GTSE1: variants seen among roughly 807,000 people sequenced by gnomAD.
GTSE1 encodes the protein G2 and S phase-expressed protein 1.
GTSE1 carries 52 observed loss-of-function variants against 60.5 expected under a neutral mutation model. The ratio of observed to expected loss-of-function variants is 0.86; its 90% confidence interval spans 0.69 to 1.08. The LOEUF (loss-of-function observed/expected upper bound fraction) is 1.08, where lower values mean the gene tolerates loss of function less well. GTSE1 is among the 50% of genes least tolerant of loss of function. The pLI is 0.00. For missense variants in GTSE1, 937 were observed against 961.8 expected (o/e 0.97, Z 0.34); for synonymous variants, 368 against 386.5 (o/e 0.95, Z 0.56).
Position 46,328,740 on chromosome 22 carries a change from G to A in GTSE1, c.1777G>A (p.Val593Met), listed in dbSNP as rs2147835272. The A allele has an allele frequency of 1.2e-6, 2 of 1,614,024 alleles. No homozygotes were observed. Among genetic ancestry groups the A allele is most frequent in the East Asian group, 2.2e-5 (1 of 44,888 alleles). ...AAAGACAGATTCCAGGCTGGTGGAT[G>A]TGTCCCCTGACAGGGGTTCTCCTCC... Reference protein sequence around the residue: ...NRKTDSRLVDVSPDRGSPPSR... With the variant: ...NRKTDSRLVDMSPDRGSPPSR... Residue 593 changes from valine (V) to methionine (M), a missense_variant, in exon 10 of 12, where the codon GTG (valine) becomes ATG (methionine). Physicochemically the swap from Val to Met is conservative, Grantham distance 21. Coordinates refer to ENST00000454366, the MANE Select transcript of GTSE1 (RefSeq NM_016426.7).
At position 46,297,249 on chromosome 22, in the gene GTSE1, C is replaced by G; in HGVS notation, c.-21-131C>G. The G allele has an allele frequency of 3.1e-6, 2 of 648,984 alleles. No homozygotes were observed. Among genetic ancestry groups the G allele is most frequent in the Non-Finnish European group, 5.5e-6 (2 of 365,238 alleles). 40.2% of individuals were successfully genotyped at this position (648,984 alleles called of 1,614,324 possible). A position where few individuals can be genotyped will look rare whatever the true frequency, so the allele number is the denominator to read the frequency against. On this transcript the variant is annotated intron_variant, in intron 1 of 11. Transcript: ENST00000454366. The surrounding 1 kb of genome is among the most constrained non-coding windows in gnomAD (Gnocchi z 4.9). ...CTGGGATGCGATCATTTCAGAGCGG[C>G]CCCCGCGCCGCCTCTCCCAGACCTG...
rs1341392362 is a variant in GTSE1 at position 46,304,991 on chromosome 22, A to G, written c.80-3159A>G. 1.3e-5 allele frequency among the ~76,000 whole-genome samples: 2 copies of G among 152,210 alleles called. No homozygotes were observed. Among genetic ancestry groups the G allele is most frequent in the African/African-American group, 4.8e-5 (2 of 41,442 alleles). On this transcript the variant is annotated intron_variant, in intron 2 of 11. Transcript: ENST00000454366. The surrounding 1 kb of genome is among the most constrained non-coding windows in gnomAD (Gnocchi z 4.4). ...GAGACCCTGTCTCAAAAAAAGAAAA[A>G]GGATTATTATGCTGATGTAAGTAAG...
chr22:46,312,103 C>T, intron 4 of GTSE1, 38 bp from the exon 5 acceptor site: 1 of 1,553,774 alleles, frequency 6.4e-7, no homozygotes, highest in Non-Finnish European at 8.8e-7. Context: ...CATTGTTAAG[C>T]ACTAGACAGT....
Position 46,314,384 on chromosome 22 carries a change from G to A in GTSE1, c.1051+371G>A, listed in dbSNP as rs1320633595. 1.3e-5 allele frequency among the ~76,000 whole-genome samples: 2 copies of A among 152,150 alleles called. No individual in the cohort carries two copies. The highest frequency in any genetic ancestry group is 1.9e-4 in the East Asian group (1 of 5,188). ...GGGCATATGGCCCCATAACTCCTGG[G>A]TGCCTGTTTAAATCCATGCTCCCAC... On this transcript the variant is annotated intron_variant, in intron 6 of 11. Coordinates refer to ENST00000454366, the MANE Select transcript of GTSE1 (RefSeq NM_016426.7). This position sits in a 1 kb window ranked among gnomAD's most constrained non-coding sequence, Gnocchi z 7.1.
intron 2 of GTSE1, among the ~76,000 whole-genome samples, chr22:46,299,337 C>T (rs1171662259): frequency 3.9e-5 from 6 of 152,254 alleles, no homozygotes; most frequent in Non-Finnish European, 5.9e-5. Context: ...GCGGCACCCA[C>T]GTTTTGTCTT....
At chr22:46,300,299 T>C (rs2077682387) in intron 2 of GTSE1, among the ~76,000 whole-genome samples, 1 of 152,134 alleles carries the variant, frequency 6.6e-6, no homozygotes. Context: ...GGTTTCACCA[T>C]GTTGGTCAGG....
chr22:46,301,722 C>T (rs1388162097), intron 2 of GTSE1, among the ~76,000 whole-genome samples: 2 of 152,026 alleles, frequency 1.3e-5, no homozygotes, highest in African/African-American at 4.8e-5. Flanking sequence ...CTCCTGACCT[C>T]AGGTGATCCA....
rs1030940237 is a variant in GTSE1 at position 46,314,111 on chromosome 22, C to T, written c.1051+98C>T. On this transcript the variant is annotated intron_variant, in intron 6 of 11. Coordinates refer to ENST00000454366, the MANE Select transcript of GTSE1 (RefSeq NM_016426.7). The surrounding 1 kb of genome is among the most constrained non-coding windows in gnomAD (Gnocchi z 7.1). ...GACTGTTTCTGCAGAACCACTTAGGCTTGGCAGGACGTCCCGGAGGGCGTG... is the reference window on the plus strand; with the variant it reads ...GACTGTTTCTGCAGAACCACTTAGGTTTGGCAGGACGTCCCGGAGGGCGTG... The T allele has an allele frequency of 1.8e-5, 26 of 1,468,858 alleles. No individual in the cohort carries two copies. Among genetic ancestry groups the T allele is most frequent in the Non-Finnish European group, 2.4e-5 (26 of 1,063,942 alleles). The allele number at this position is 1,468,858 out of a possible 1,614,324, so 91.0% of individuals were successfully genotyped here.
rs568087992 is a variant in GTSE1, at chr22:46,320,229, C to G, written c.1433-2961C>G. On this transcript the variant is annotated intron_variant, in intron 7 of 11. Transcript: ENST00000454366. This position sits in a 1 kb window ranked among gnomAD's most constrained non-coding sequence, Gnocchi z 7.1. ...CACAGGACTTCTGCTAATCCCAAAT[C>G]CCTGTTGGCTTTGCCCTGTTTCCCA... Among the ~76,000 whole-genome samples the G allele has an allele frequency of 1.3e-5, 2 of 152,192 alleles. No individual in the cohort carries two copies. Among genetic ancestry groups the G allele is most frequent in the Non-Finnish European group, 2.9e-5 (2 of 68,034 alleles).
Position 46,313,548 on chromosome 22 carries a change from G to T in GTSE1, c.928-342G>T, listed in dbSNP as rs1362783470. 6.6e-6 allele frequency among the ~76,000 whole-genome samples: 1 copy of T among 152,136 alleles called. No homozygotes were observed. Among genetic ancestry groups the T allele is most frequent in the South Asian group, 2.1e-4 (1 of 4,830 alleles). On this transcript the variant is annotated intron_variant, in intron 5 of 11. Transcript: ENST00000454366. This position sits in a 1 kb window ranked among gnomAD's most constrained non-coding sequence, Gnocchi z 4.4. ...TGTTGAGACGGAGTCTCACTCTGTC[G>T]CCCAGGCTGGAGTGCAATGGCACGA...
intron 2 of GTSE1, among the ~76,000 whole-genome samples, chr22:46,302,973 C>T (rs891833330): frequency 2.7e-5 from 4 of 147,346 alleles, no homozygotes; most frequent in Non-Finnish European, 5.9e-5. Context: ...GATCTTGGCT[C>T]ACTGCAAGCT....
rs772386877 is a variant in GTSE1, at chr22:46,297,360, G to A, written c.-21-20G>A. 177 of 1,399,178 alleles carry A rather than the reference G, an allele frequency of 1.3e-4. 1 individual carries two copies. The highest frequency in any genetic ancestry group is 1.2e-3 in the Middle Eastern group (7 of 5,638). 86.7% of individuals were successfully genotyped at this position (1,399,178 alleles called of 1,614,324 possible). The stretch of plus-strand genomic sequence containing the variant: ...GGGCCCTGACACGTACTCACTTTCT[G>A]GCCCCGTTCCACCCTGCAGTGACTT... On this transcript the variant is annotated intron_variant, in intron 1 of 11. Transcript: ENST00000454366. The surrounding 1 kb of genome is among the most constrained non-coding windows in gnomAD (Gnocchi z 4.9).
Position 46,310,299 on chromosome 22 carries a change from G to A in GTSE1, c.762+1356G>A, listed in dbSNP as rs948341688. 1.3e-5 allele frequency among the ~76,000 whole-genome samples: 2 copies of A among 152,190 alleles called. No homozygotes were observed. The highest frequency in any genetic ancestry group is 4.8e-5 in the African/African-American group (2 of 41,440). The stretch of plus-strand genomic sequence containing the variant: ...TAACAGGTGTTATTTTGAGGATGAG[G>A]ATGTTGTGGAGGATGAGGAGAAGGC... On this transcript the variant is annotated intron_variant, in intron 4 of 11. Transcript: ENST00000454366. The surrounding 1 kb of genome is among the most constrained non-coding windows in gnomAD (Gnocchi z 4.4).
chr22:46,309,428 GCT>G lies in GTSE1; in HGVS notation c.762+486_762+487del, dbSNP rs1244094786. Among the ~76,000 whole-genome samples the G allele has an allele frequency of 2.0e-5, 3 of 152,126 alleles. No homozygotes were observed. Among genetic ancestry groups the G allele is most frequent in the Non-Finnish European group, 2.9e-5 (2 of 68,010 alleles). ...GAGGGTCCTGGAGGTCTGGGGGAAA[GCT>G]GGGTGTGAGCACAGGACTTGCTGCC... is the stretch of plus-strand genomic sequence containing the variant. On this transcript the variant is annotated intron_variant, in intron 4 of 11. Coordinates refer to ENST00000454366, the MANE Select transcript of GTSE1 (RefSeq NM_016426.7). This position sits in a 1 kb window ranked among gnomAD's most constrained non-coding sequence, Gnocchi z 6.2.
rs2077662088 is a variant in GTSE1 at position 46,297,234 on chromosome 22, A to G, written c.-21-146A>G. The G allele has an allele frequency of 9.7e-6, 6 of 619,782 alleles. No homozygotes were observed. The East Asian group carries it at 1.7e-4, about 18-fold the overall frequency. The allele number at this position is 619,782 out of a possible 1,614,324, so 38.4% of individuals were successfully genotyped here. ...GGGCCCTGGGGTCCCCTGGGATGCG[A>G]TCATTTCAGAGCGGCCCCCGCGCCG... On this transcript the variant is annotated intron_variant, in intron 1 of 11. Coordinates refer to ENST00000454366, the MANE Select transcript of GTSE1 (RefSeq NM_016426.7). This position sits in a 1 kb window ranked among gnomAD's most constrained non-coding sequence, Gnocchi z 4.9.
At chr22:46,303,849 G>C (rs1413486112) in intron 2 of GTSE1, among the ~76,000 whole-genome samples, 1 of 152,168 alleles carries the variant, frequency 6.6e-6, no homozygotes, top group Admixed American at 6.6e-5. Context: ...TCAAGAACCA[G>C]TGTGGAATTG....
rs1372817055 is a variant in GTSE1 at position 46,320,008 on chromosome 22, A to G, written c.1433-3182A>G. On this transcript the variant is annotated intron_variant, in intron 7 of 11. Transcript: ENST00000454366. This position sits in a 1 kb window ranked among gnomAD's most constrained non-coding sequence, Gnocchi z 7.1. ...AAAAAAAAAAAAAAGAAAGAAAGAAAGAAAAGAAATGCGAGCTGTGATTGG... is the reference window on the plus strand; with the variant it reads ...AAAAAAAAAAAAAAGAAAGAAAGAAGGAAAAGAAATGCGAGCTGTGATTGG... Among the ~76,000 whole-genome samples, 1 of 151,492 alleles carries G rather than the reference A, an allele frequency of 6.6e-6. No homozygotes were observed. Among genetic ancestry groups the G allele is most frequent in the Non-Finnish European group, 1.5e-5 (1 of 67,906 alleles).
At chr22:46,322,561 C>T (rs1040100547) in intron 7 of GTSE1, among the ~76,000 whole-genome samples, 5 of 152,088 alleles carry the variant, frequency 3.3e-5, no homozygotes, top group Admixed American at 1.3e-4. Context: ...GGCGTGGTGG[C>T]GGGACTGGAC....
At chr22:46,301,035 C>G (rs2077686539) in intron 2 of GTSE1, among the ~76,000 whole-genome samples, 1 of 152,160 alleles carries the variant, frequency 6.6e-6, no homozygotes, top group Non-Finnish European at 1.5e-5. Context: ...TCTTGTTTTT[C>G]AGGCTTAATT....
Sources: gnomAD v4.1 joint callset for allele counts (sites outside exome capture counted in the v4.1 genomes callset) on GRCh38, gnomAD v4.1.1 for gene constraint, Gnocchi (gnomAD v3.1) non-coding constraint, MANE v1.5 for transcripts, NCBI Gene and HGNC (gene_info 2026-07-23, HGNC 2026-07-21) for gene names.